DAB1: variants seen among roughly 807,000 people sequenced by gnomAD.
The protein encoded by DAB1 is DAB adaptor protein 1, also known as disabled homolog 1.
Under a neutral mutation model 64.6 loss-of-function variants are expected in DAB1, and 15 were observed. The ratio of observed to expected loss-of-function variants is 0.23; its 90% CI spans 0.16 to 0.36. The LOEUF (loss-of-function observed/expected upper bound fraction) is 0.36, where lower values mean the gene tolerates loss of function less well. DAB1 is among the 10% of genes least tolerant of loss of function. The pLI is 1.00. For missense variants in DAB1, 596 were observed against 706.7 expected (o/e 0.84, Z 1.78); for synonymous variants, 235 against 251.9 (o/e 0.93, Z 0.64).
At chr1:57,711,331 C>T (rs1323815) in intron 6 of DAB1, among the ~76,000 whole-genome samples, 68,224 of 152,098 alleles carry the variant, frequency 0.45, 17,539 homozygotes, top group African/African-American at 0.72. Flanking sequence ...TATCTCACTG[C>T]CATTATTTTG....
chr1:57,279,784 C>T (rs1671744317), intron 2 of DAB1, among the ~76,000 whole-genome samples: 1 of 152,194 alleles, frequency 6.6e-6, no homozygotes, highest in South Asian at 2.1e-4. Flanking sequence ...GAAATGTTTC[C>T]TTCTCAATCA....
chr1:57,805,237 G>A (rs556416713), intron 6 of DAB1, among the ~76,000 whole-genome samples: 2 of 152,176 alleles, frequency 1.3e-5, no homozygotes, highest in Non-Finnish European at 2.9e-5. Context: ...TCCGCAAGAG[G>A]CATGGACTTT....
At chr1:57,648,598 C>T (rs767458405) in intron 7 of DAB1, among the ~76,000 whole-genome samples, 14 of 152,190 alleles carry the variant, frequency 9.2e-5, no homozygotes, top group Non-Finnish European at 1.9e-4. Context: ...CTCAGATCCT[C>T]CAGCCTCCCC....
intron 3 of DAB1, among the ~76,000 whole-genome samples, chr1:58,356,015 C>T (rs1321177102): frequency 6.6e-6 from 1 of 152,204 alleles, no homozygotes; most frequent in African/African-American, 2.4e-5. Context: ...CCACAGTACT[C>T]CTCCCAAGCG....
intron 1 of DAB1, among the ~76,000 whole-genome samples, chr1:57,364,775 C>A (rs1234245060): frequency 1.3e-5 from 2 of 150,728 alleles, no homozygotes; most frequent in Non-Finnish European, 2.9e-5. Flanking sequence ...GAAGAAGTTA[C>A]AATGTGATTC....
chr1:57,459,470 G>A (rs1207966274), intron 7 of DAB1, among the ~76,000 whole-genome samples: 3 of 152,166 alleles, frequency 2.0e-5, no homozygotes, highest in Non-Finnish European at 4.4e-5. Context: ...TTGTGTATAA[G>A]AGTATGCATG....
In DAB1 at chr1:57,469,146, C is replaced by T. The variant is rs1290492138; in HGVS notation, n.626-177980G>A. Among the ~76,000 whole-genome samples the T allele has an allele frequency of 5.8e-4, 88 of 152,158 alleles. 2 individuals carry two copies. The highest frequency in any genetic ancestry group is 1.5e-5 in the Non-Finnish European group (1 of 68,022). On this transcript the variant is annotated intron_variant and non_coding_transcript_variant, in intron 7 of 20. Coordinates refer to the DAB1 transcript ENST00000485760. ...TAAAATGGAAGGCAGACAAATAAAC[C>T]TGGGGCTGAAGCCATCTCTTACTGG...
At chr1:58,421,855 T>C (rs1421809129) in intron 3 of DAB1, among the ~76,000 whole-genome samples, 2 of 152,156 alleles carry the variant, frequency 1.3e-5, no homozygotes, top group Non-Finnish European at 2.9e-5. Flanking sequence ...CAACAGATTG[T>C]GAAGTGGGCA....
At chr1:57,010,638 G>A in intron 14 of DAB1, 42 bp downstream of exon 14, 1 of 1,104,332 alleles carries the variant, frequency 9.1e-7, no homozygotes, top group South Asian at 2.1e-5. Flanking sequence ...AGGGAAAGCA[G>A]ATAGCTTAAG....
At chr1:58,505,600 C>T (rs1241987885) in intron 3 of DAB1, among the ~76,000 whole-genome samples, 4 of 152,054 alleles carry the variant, frequency 2.6e-5, no homozygotes, top group African/African-American at 9.7e-5. Context: ...CAGAAACAAA[C>T]ATGAAGATTT....
rs79303001 is a variant in DAB1 at position 58,091,856 on chromosome 1, A to G, written n.387+58655T>C. On this transcript the variant is annotated intron_variant and non_coding_transcript_variant, in intron 5 of 20. Coordinates refer to the DAB1 transcript ENST00000485760. ...ACAGTCATCCCTCTCCTCAACAACC[A>G]CAAGCAGACAAGCCACCAAGTCCTA... Among the ~76,000 whole-genome samples, 186 of 151,662 alleles carry G rather than the reference A, an allele frequency of 1.2e-3. No homozygotes were observed. The East Asian group carries it at 0.031, about 26-fold the overall frequency.
At chr1:58,436,684 G>T (rs186906725) in intron 3 of DAB1, among the ~76,000 whole-genome samples, 92 of 152,318 alleles carry the variant, frequency 6.0e-4, no homozygotes, top group African/African-American at 2.1e-3. Flanking sequence ...AGATAAGAAA[G>T]AAAATAAACA....
At chr1:57,877,691 G>C (rs529184924) in intron 1 of DAB1, among the ~76,000 whole-genome samples, 1 of 82,246 alleles carries the variant, frequency 1.2e-5, no homozygotes, top group Non-Finnish European at 2.4e-5. Context: ...CTCCCGAGTA[G>C]CTGGGACTAC....
At chr1:58,415,501 A>C (rs1181036256) in intron 3 of DAB1, 2 of 241,292 alleles carry the variant, frequency 8.3e-6, no homozygotes, top group Non-Finnish European at 1.3e-5. Context: ...AAGGAGACAA[A>C]AATGGATTAA....
chr1:57,553,386 G>GAGAA (rs1553193728), intron 7 of DAB1, among the ~76,000 whole-genome samples: 2 of 14,564 alleles, frequency 1.4e-4, no homozygotes, highest in Non-Finnish European at 3.2e-4. Context: ...GGAAGAAAGA[G>GAGAA]AAAGAAAGAA....
chr1:58,030,192 G>A (rs1646950906), intron 5 of DAB1, among the ~76,000 whole-genome samples: 2 of 152,060 alleles, frequency 1.3e-5, no homozygotes, highest in African/African-American at 4.8e-5. Flanking sequence ...GGGTGACAGA[G>A]TGAGACTCCA....
chr1:58,466,862 C>A (rs1359534676), intron 3 of DAB1, among the ~76,000 whole-genome samples: 6 of 152,194 alleles, frequency 3.9e-5, no homozygotes, highest in Non-Finnish European at 8.8e-5. Context: ...TTGGGGGACT[C>A]CTTGTGGTGG....
At chr1:58,500,934 C>T (rs541911386) in intron 3 of DAB1, among the ~76,000 whole-genome samples, 11 of 152,184 alleles carry the variant, frequency 7.2e-5, no homozygotes, top group South Asian at 4.1e-4. Context: ...TCTCTTTCAA[C>T]GACAAATTAT....
chr1:57,237,856 A>G (rs1029313417), intron 2 of DAB1, among the ~76,000 whole-genome samples: 12 of 152,232 alleles, frequency 7.9e-5, no homozygotes, highest in African/African-American at 2.9e-4. Flanking sequence ...GGGATGATGA[A>G]TTACACATAG....
Sources: gnomAD v4.1 joint callset for allele counts (sites outside exome capture counted in the v4.1 genomes callset) on GRCh38, gnomAD v4.1.1 for gene constraint, MANE v1.5 for transcripts, NCBI Gene and HGNC (gene_info 2026-07-23, HGNC 2026-07-21) for gene names.